The following HDLBP variants were observed in gnomAD, a reference collection of about 807,000 sequenced individuals.
HDLBP encodes vigilin.
Under a neutral mutation model 137.3 loss-of-function variants are expected in HDLBP, and 30 were observed. That is an observed-to-expected ratio of 0.22 (90% CI 0.16 to 0.30). HDLBP has a LOEUF of 0.30. HDLBP is among the 10% of genes least tolerant of loss of function. HDLBP has a pLI of 1.00. For synonymous variants in HDLBP, 606 were observed against 596.0 expected, an observed-to-expected ratio of 1.02 and a Z score of -0.24; for missense variants, 1,119 against 1,667.3, an observed-to-expected ratio of 0.67 and a Z score of 5.73.
At position 241,233,639 on chromosome 2, in the gene HDLBP, A is replaced by G. The variant is rs1466317324; in HGVS notation, c.3288+181T>C. On this transcript the variant is annotated intron_variant, in intron 24 of 27. Coordinates refer to ENST00000310931, the MANE Select transcript of HDLBP (RefSeq NM_005336.6). This position sits in a 1 kb window ranked among gnomAD's most constrained non-coding sequence, Gnocchi z 4.3. Reference sequence around the variant, plus strand: ...GATGATACATAGTGCCAGAGACCTCACCCATCTGGCAAGTACCGAGACACA... The same window carrying G: ...GATGATACATAGTGCCAGAGACCTCGCCCATCTGGCAAGTACCGAGACACA... 6.6e-6 allele frequency among the ~76,000 whole-genome samples: 1 copy of G among 152,052 alleles called. No individual in the cohort carries two copies. The highest frequency in any genetic ancestry group is 3.2e-3 in the Middle Eastern group (1 of 316).
At chr2:241,296,485 G>A (rs1039542228) in intron 1 of HDLBP, among the ~76,000 whole-genome samples, 1 of 152,180 alleles carries the variant, frequency 6.6e-6, no homozygotes, top group African/African-American at 2.4e-5. Context: ...GGAAGATATT[G>A]ATTTATTTGA....
At chr2:241,256,529 G>A (rs371526690) in intron 6 of HDLBP, 71 bp downstream of exon 6, 87 of 1,554,220 alleles carry the variant, frequency 5.6e-5, no homozygotes, top group Middle Eastern at 2.3e-4. Flanking sequence ...CACTGGACAC[G>A]GCAACCCATG....
chr2:241,266,687 C>T (rs187322500), intron 3 of HDLBP, 107 bp downstream of exon 3: 1 of 798,654 alleles, frequency 1.3e-6, no homozygotes, highest in Non-Finnish European at 2.2e-6. Context: ...TGCCCCACAA[C>T]CACAGGGCCA....
chr2:241,270,845 G>C (rs2149571165), intron 1 of HDLBP: 1 of 404,398 alleles, frequency 2.5e-6, no homozygotes, highest in Non-Finnish European at 3.3e-6. Context: ...AGGATACCTT[G>C]GGCAGGCCTA....
chr2:241,298,072 AAAAAAAAAAAG>A (rs1452684488), intron 1 of HDLBP, among the ~76,000 whole-genome samples: 20 of 145,864 alleles, frequency 1.4e-4, no homozygotes, highest in African/African-American at 3.8e-4. Flanking sequence ...AAAAAAAAAA[AAAAAAAAAAAG>A]GGCCAGGCAT....
intron 12 of HDLBP, among the ~76,000 whole-genome samples, chr2:241,249,622 C>T (rs1254994633): frequency 1.3e-5 from 2 of 152,270 alleles, no homozygotes; most frequent in East Asian, 3.8e-4. Context: ...GTCTCTGTGC[C>T]CTTCTAGCAC....
intron 1 of HDLBP, among the ~76,000 whole-genome samples, chr2:241,288,021 C>T (rs1307372853): frequency 6.6e-6 from 1 of 152,194 alleles, no homozygotes; most frequent in Non-Finnish European, 1.5e-5. Context: ...TATGGATGGA[C>T]ATATGCTAAG....
At chr2:241,285,854 C>A (rs10205490) in intron 1 of HDLBP, among the ~76,000 whole-genome samples, 28,874 of 151,996 alleles carry the variant, frequency 0.19, 3,080 homozygotes, top group Middle Eastern at 0.34. Context: ...CAAAGTGAGA[C>A]CTCATTTCTT....
chr2:241,256,880 C>G, intron 5 of HDLBP, 74 bp from the exon 6 acceptor site: 1 of 1,267,280 alleles, frequency 7.9e-7, no homozygotes, highest in Non-Finnish European at 1.1e-6. Flanking sequence ...CCAAGACATT[C>G]TGGCAGAAAC....
intron 1 of HDLBP, among the ~76,000 whole-genome samples, chr2:241,288,865 A>C (rs2074919496): frequency 1.3e-5 from 2 of 152,204 alleles, no homozygotes; most frequent in South Asian, 4.1e-4. Flanking sequence ...TGCAATTTAA[A>C]AATCCCTTCC....
intron 1 of HDLBP, among the ~76,000 whole-genome samples, chr2:241,290,721 A>T (rs2074988107): frequency 6.6e-6 from 1 of 152,204 alleles, no homozygotes; most frequent in Non-Finnish European, 1.5e-5. Context: ...TCACTGAGCT[A>T]TATACATTAA....
At chr2:241,273,356 C>G (rs2074257323) in intron 1 of HDLBP, 1 of 609,590 alleles carries the variant, frequency 1.6e-6, no homozygotes, top group Non-Finnish European at 2.1e-6. Flanking sequence ...TAATCTCCCC[C>G]CCAAAATGTA....
At position 241,290,343 on chromosome 2, in the gene HDLBP, G is replaced by T. The variant is rs537160614; in HGVS notation, c.-102-21802C>A. On this transcript the variant is annotated intron_variant, in intron 1 of 27. Transcript: ENST00000310931. ...ACATCAGAAGAGGCCGGGTACAGTG[G>T]TTTACGCCTGTAATCCCAGCACCTT... is the stretch of plus-strand genomic sequence containing the variant. Among the ~76,000 whole-genome samples, 3 of 152,276 alleles carry T rather than the reference G, an allele frequency of 2.0e-5. No individual in the cohort carries two copies. The East Asian group carries it at 5.8e-4, about 29-fold the overall frequency.
intron 9 of HDLBP, among the ~76,000 whole-genome samples, chr2:241,254,825 C>T (rs557051543): frequency 6.6e-6 from 1 of 152,278 alleles, no homozygotes; most frequent in East Asian, 1.9e-4. Context: ...ACATACAATC[C>T]TCTCTGGTTA....
At chr2:241,279,643 T>C (rs545879450) in intron 1 of HDLBP, among the ~76,000 whole-genome samples, 1 of 152,230 alleles carries the variant, frequency 6.6e-6, no homozygotes, top group East Asian at 1.9e-4. Context: ...AATCAATGGC[T>C]CTGGGAAAAC....
At chr2:241,245,079 G>C (rs905074852) in intron 16 of HDLBP, among the ~76,000 whole-genome samples, 11 of 152,028 alleles carry the variant, frequency 7.2e-5, no homozygotes, top group African/African-American at 2.7e-4. Flanking sequence ...AAAAATTACA[G>C]TAAGTTATTT....
rs139517577 is a variant in HDLBP, at chr2:241,289,645, C to G, written c.-102-21104G>C. 4.2e-3 allele frequency among the ~76,000 whole-genome samples: 638 copies of G among 152,206 alleles called. 5 individuals carry two copies. The highest frequency in any genetic ancestry group is 0.014 in the African/African-American group (598 of 41,530). ...AACACTATTTCCTACTATTAGAAAA[C>G]AAGTATCACACCAGGAAGATAAAGA... On this transcript the variant is annotated intron_variant, in intron 1 of 27. Transcript: ENST00000310931.
At chr2:241,267,638 G>A in intron 2 of HDLBP, 1 of 1,535,728 alleles carries the variant, frequency 6.5e-7, no homozygotes, top group Non-Finnish European at 8.7e-7. Flanking sequence ...GTCTCTCTCT[G>A]CAAGGTGCAT....
intron 1 of HDLBP, among the ~76,000 whole-genome samples, chr2:241,303,454 G>T (rs543475147): frequency 6.6e-6 from 1 of 152,312 alleles, no homozygotes; most frequent in African/African-American, 2.4e-5. Flanking sequence ...ACAGGAGAGA[G>T]GCAGCACTTA....
Sources: gnomAD v4.1 joint callset for allele counts (sites outside exome capture counted in the v4.1 genomes callset) on GRCh38, gnomAD v4.1.1 for gene constraint, Gnocchi (gnomAD v3.1) non-coding constraint, MANE v1.5 for transcripts, NCBI Gene and HGNC (gene_info 2026-07-23, HGNC 2026-07-21) for gene names.